The following GALNT14 variants were observed in gnomAD, a reference collection of about 807,000 sequenced individuals.
GALNT14 encodes UDP-GalNAc:polypeptide N-acetylgalactosaminyltransferase 14.
A neutral mutation model predicts 77.5 loss-of-function variants in GALNT14; 60 were observed. That is an observed-to-expected ratio of 0.77 (90% CI 0.63 to 0.96). The LOEUF (loss-of-function observed/expected upper bound fraction) is 0.96. GALNT14 is among the 40% of genes least tolerant of loss of function. The pLI, the probability that GALNT14 is intolerant of heterozygous loss-of-function variation, is 0.00. For missense variants in GALNT14, 710 were observed against 731.0 expected, an observed-to-expected ratio of 0.97 and a Z score of 0.33; for synonymous variants, 280 against 281.7, an observed-to-expected ratio of 0.99 and a Z score of 0.06.
At chr2:30,921,913 C>T (rs182602677) in intron 13 of GALNT14, among the ~76,000 whole-genome samples, 3 of 152,244 alleles carry the variant, frequency 2.0e-5, no homozygotes, top group Admixed American at 2.0e-4. Context: ...GGAGCCCCTA[C>T]AACAAAGAAA....
chr2:30,952,083 C>T (rs182553344), intron 6 of GALNT14, among the ~76,000 whole-genome samples: 6 of 152,140 alleles, frequency 3.9e-5, no homozygotes, highest in Non-Finnish European at 8.8e-5. Context: ...CGGCAAGGAG[C>T]AAACTGCCTT....
chr2:31,115,392 C>T (rs1357601980), intron 1 of GALNT14, among the ~76,000 whole-genome samples: 1 of 152,150 alleles, frequency 6.6e-6, no homozygotes, highest in African/African-American at 2.4e-5. Flanking sequence ...ACATAACCCA[C>T]ATACCCTGTC....
At chr2:31,032,703 C>T (rs913933274) in intron 1 of GALNT14, among the ~76,000 whole-genome samples, 2 of 152,162 alleles carry the variant, frequency 1.3e-5, no homozygotes, top group African/African-American at 4.8e-5. Context: ...GAAGTCCCTC[C>T]TCTGCACAAC....
intron 1 of GALNT14, among the ~76,000 whole-genome samples, chr2:31,087,841 T>C (rs1367258040): frequency 6.6e-6 from 1 of 152,218 alleles, no homozygotes; most frequent in African/African-American, 2.4e-5. Context: ...TGATGGCATT[T>C]GAAGGTACAG....
chr2:30,930,981 GC>G (rs1665691119), intron 10 of GALNT14, among the ~76,000 whole-genome samples: 1 of 152,214 alleles, frequency 6.6e-6, no homozygotes, highest in Non-Finnish European at 1.5e-5. Flanking sequence ...TTCCAGGCCG[GC>G]CCCCCTCCAG....
chr2:30,889,146 TTATC>T, the GALNT14 span, among the ~76,000 whole-genome samples: 1 of 152,128 alleles, frequency 6.6e-6, no homozygotes, highest in Non-Finnish European at 1.5e-5. Context: ...CCCGGATTTA[TTATC>T]TGTCTAGATA....
intron 1 of GALNT14, among the ~76,000 whole-genome samples, chr2:31,064,219 C>CTACTG (rs1674791329): frequency 6.6e-6 from 1 of 152,230 alleles, no homozygotes; most frequent in Non-Finnish European, 1.5e-5. Flanking sequence ...TATTGTGTTC[C>CTACTG]TACTGTGTGC....
intron 6 of GALNT14, among the ~76,000 whole-genome samples, chr2:30,952,249 C>A (rs946139695): frequency 3.3e-5 from 5 of 152,288 alleles, no homozygotes; most frequent in African/African-American, 9.6e-5. Context: ...CAGTGGATGT[C>A]TTTGCATGAT....
chr2:31,000,236 A>G (rs1221130755), intron 1 of GALNT14, among the ~76,000 whole-genome samples: 1 of 152,104 alleles, frequency 6.6e-6, no homozygotes, highest in Non-Finnish European at 1.5e-5. Flanking sequence ...TGAAGTGGGG[A>G]TATAGGAAGC....
intron 1 of GALNT14, among the ~76,000 whole-genome samples, chr2:31,026,831 C>T (rs1672085768): frequency 6.6e-6 from 1 of 152,196 alleles, no homozygotes; most frequent in Non-Finnish European, 1.5e-5. Flanking sequence ...GCTCCAAGTC[C>T]ACAGTCCTTT....
At position 30,924,834 on chromosome 2, in the gene GALNT14, C is replaced by A; in HGVS notation, c.1152-11G>T. The stretch of plus-strand genomic sequence containing the variant: ...AATCTGCTCTCAACACTGGGGGCAA[C>A]GGGGTTGTGGACAGACACAAAGACA... On this transcript the variant is annotated splice_polypyrimidine_tract_variant and intron_variant, in intron 11 of 14. Transcript: ENST00000349752. The A allele has an allele frequency of 6.2e-7, 1 of 1,611,910 alleles. No individual in the cohort carries two copies. Among genetic ancestry groups the A allele is most frequent in the Non-Finnish European group, 8.5e-7 (1 of 1,178,758 alleles).
intron 1 of GALNT14, among the ~76,000 whole-genome samples, chr2:31,033,755 G>C (rs930742733): frequency 2.0e-5 from 3 of 152,012 alleles, no homozygotes; most frequent in African/African-American, 7.2e-5. Context: ...CTTTCCCCGA[G>C]ATATGCAGGT....
chr2:31,060,073 G>A (rs1343368871), intron 1 of GALNT14, among the ~76,000 whole-genome samples: 3 of 152,154 alleles, frequency 2.0e-5, no homozygotes, highest in Non-Finnish European at 4.4e-5. Context: ...CCTATAATCA[G>A]CTGAGAGGAA....
chr2:31,070,571 G>C (rs937656237), intron 1 of GALNT14, among the ~76,000 whole-genome samples: 1 of 152,212 alleles, frequency 6.6e-6, no homozygotes, highest in South Asian at 2.1e-4. Flanking sequence ...ATTTATCGGC[G>C]TGCCCAAGGG....
chr2:30,941,176 C>T (rs915635725), intron 9 of GALNT14, among the ~76,000 whole-genome samples: 8 of 152,208 alleles, frequency 5.3e-5, no homozygotes, highest in African/African-American at 1.9e-4. Context: ...CAGACATGTG[C>T]CACGGTACCC....
At chr2:30,909,098 T>C (rs918068023), downstream of GALNT14, among the ~76,000 whole-genome samples, 134 of 152,086 alleles carry the variant, frequency 8.8e-4, no homozygotes, top group African/African-American at 2.1e-3. Context: ...CCTAAAACCA[T>C]AAAAACCCTA....
intron 3 of GALNT14, among the ~76,000 whole-genome samples, chr2:30,959,449 C>G (rs1667557906): frequency 6.6e-6 from 1 of 152,132 alleles, no homozygotes; most frequent in South Asian, 2.1e-4. Context: ...CAGCACTGGG[C>G]ATATGATGAT....
chr2:30,964,618 G>A (rs557759162), intron 3 of GALNT14, among the ~76,000 whole-genome samples: 4 of 152,334 alleles, frequency 2.6e-5, no homozygotes, highest in South Asian at 2.1e-4. Context: ...GGATGGGCAC[G>A]TGGCTGGAGG....
chr2:30,924,019 G>T, intron 13 of GALNT14, 100 bp downstream of exon 13: 1 of 1,289,662 alleles, frequency 7.8e-7, no homozygotes, highest in South Asian at 1.3e-5. Context: ...GAATAAATGG[G>T]CATCTGATGT....
Sources: gnomAD v4.1 joint callset for allele counts (sites outside exome capture counted in the v4.1 genomes callset) on GRCh38, gnomAD v4.1.1 for gene constraint, MANE v1.5 for transcripts, NCBI Gene and HGNC (gene_info 2026-07-23, HGNC 2026-07-21) for gene names.